NFIB: variants seen among roughly 807,000 people sequenced by gnomAD.
NFIB encodes the protein nuclear factor I B.
A neutral mutation model predicts 61.5 loss-of-function variants in NFIB; 11 were observed. That is an observed-to-expected ratio of 0.18 (90% confidence interval 0.11 to 0.30). The LOEUF is 0.30. NFIB is among the 10% of genes least tolerant of loss of function. NFIB has a pLI of 1.00. For synonymous variants in NFIB, 260 were observed against 216.5 expected (o/e 1.20, Z -1.76); for missense variants, 471 against 608.9 (o/e 0.77, Z 2.38).
chr9:14,182,935 GAC>G (rs2046968975), intron 2 of NFIB, among the ~76,000 whole-genome samples: 1 of 151,896 alleles, frequency 6.6e-6, no homozygotes, highest in Non-Finnish European at 1.5e-5. Flanking sequence ...CATTGGGTCA[GAC>G]ACAGTCTACA....
chr9:14,493,572 G>C, the NFIB span, among the ~76,000 whole-genome samples: 2 of 152,146 alleles, frequency 1.3e-5, no homozygotes, highest in Non-Finnish European at 2.9e-5. Context: ...TTGAGAGCAA[G>C]GATGTCATAA....
At chr9:14,341,919 A>G (rs1036673143) in intron 1 of NFIB, among the ~76,000 whole-genome samples, 5 of 143,776 alleles carry the variant, frequency 3.5e-5, no homozygotes, top group Non-Finnish European at 6.0e-5. Context: ...TTGCTTAGCT[A>G]GAGAGTGACT....
rs138931705 is a variant in NFIB, at chr9:14,343,808, G to C, written c.109-36288C>G. On this transcript the variant is annotated intron_variant, in intron 1 of 8. Transcript: ENST00000380934. ...CAAGCAGTGCCAAGAAGCAGAGAAA[G>C]GGCTGCTTGGGGACAAGGGGGGGTC... 5.9e-4 allele frequency among the ~76,000 whole-genome samples: 83 copies of C among 141,474 alleles called. 1 individual carries two copies. The East Asian group carries it at 7.7e-3, about 13-fold the overall frequency. The allele number at this position is 141,474 out of a possible 152,430, so 92.8% of individuals were successfully genotyped here. A position where few individuals can be genotyped will look rare whatever the true frequency, so the allele number is the denominator to read the frequency against.
chr9:14,164,541 C>T (rs1002494978), intron 3 of NFIB, among the ~76,000 whole-genome samples: 2 of 152,024 alleles, frequency 1.3e-5, no homozygotes, highest in African/African-American at 4.8e-5. Flanking sequence ...AATCTGTCTT[C>T]GACTGACCTA....
At chr9:14,353,319 G>A (rs891851552) in intron 1 of NFIB, among the ~76,000 whole-genome samples, 1 of 152,124 alleles carries the variant, frequency 6.6e-6, no homozygotes, top group African/African-American at 2.4e-5. Flanking sequence ...CTGGGAAGCT[G>A]GTCCTGTTCT....
At chr9:14,289,127 T>C (rs1486495917) in intron 2 of NFIB, among the ~76,000 whole-genome samples, 11 of 145,684 alleles carry the variant, frequency 7.6e-5, no homozygotes, top group African/African-American at 2.5e-4. Context: ...TATATGTATA[T>C]ATATATATAT....
chr9:14,468,874 T>C, the NFIB span, among the ~76,000 whole-genome samples: 3 of 152,194 alleles, frequency 2.0e-5, no homozygotes, highest in African/African-American at 7.2e-5. Flanking sequence ...GGTAGAAAGG[T>C]ACAGAAGACC....
intron 2 of NFIB, among the ~76,000 whole-genome samples, chr9:14,278,662 A>G (rs1297806854): frequency 1.3e-5 from 2 of 152,218 alleles, no homozygotes; most frequent in South Asian, 2.1e-4. Context: ...TGTTAGGGTC[A>G]TTACTAAGGT....
chr9:14,487,501 A>C, the NFIB span, among the ~76,000 whole-genome samples: 1 of 152,194 alleles, frequency 6.6e-6, no homozygotes, highest in Admixed American at 6.5e-5. Flanking sequence ...GCCCCTGCCG[A>C]CTTAAATGGC....
At chr9:14,417,774 G>GTTTTTTTTT in the NFIB span, among the ~76,000 whole-genome samples, 2 of 91,784 alleles carry the variant, frequency 2.2e-5, no homozygotes, top group Non-Finnish European at 2.1e-5. Context: ...CCTAGGAACA[G>GTTTTTTTTT]TTTTTTTTTT....
At chr9:14,178,513 C>A (rs2046404438) in intron 3 of NFIB, among the ~76,000 whole-genome samples, 1 of 151,742 alleles carries the variant, frequency 6.6e-6, no homozygotes, top group Non-Finnish European at 1.5e-5. Flanking sequence ...ATTTTTAAAC[C>A]TGTGTTTAAT....
chr9:14,317,692 G>T (rs143775929), upstream of NFIB, among the ~76,000 whole-genome samples: 3 of 152,154 alleles, frequency 2.0e-5, no homozygotes, highest in Admixed American at 2.0e-4. Context: ...ACTTCTTCTT[G>T]TCCAGCCAAT....
chr9:14,215,566 AG>A (rs1252057487), intron 2 of NFIB, among the ~76,000 whole-genome samples: 1 of 152,208 alleles, frequency 6.6e-6, no homozygotes, highest in African/African-American at 2.4e-5. Context: ...GTCATCAAAA[AG>A]TCATTTAAAA....
chr9:14,226,365 T>C (rs1405932786), intron 2 of NFIB, among the ~76,000 whole-genome samples: 6 of 151,864 alleles, frequency 4.0e-5, no homozygotes, highest in Non-Finnish European at 7.4e-5. Context: ...CTGGAAAACA[T>C]AGTGAGATCC....
chr9:14,419,105 C>T, the NFIB span, among the ~76,000 whole-genome samples: 2 of 151,302 alleles, frequency 1.3e-5, no homozygotes, highest in African/African-American at 4.9e-5. Flanking sequence ...CCAGAGCCAT[C>T]CAAACTGGGC....
intron 2 of NFIB, among the ~76,000 whole-genome samples, chr9:14,275,341 A>C (rs2057923604): frequency 6.6e-6 from 1 of 152,162 alleles, no homozygotes; most frequent in African/African-American, 2.4e-5. Context: ...TCTTACTCTA[A>C]TCGTTGAACA....
In NFIB at chr9:14,217,228, C is replaced by T. The variant is rs189927492; in HGVS notation, c.563-37448G>A. Among the ~76,000 whole-genome samples, 5 of 152,302 alleles carry T rather than the reference C, an allele frequency of 3.3e-5. No homozygotes were observed. In the East Asian group the frequency reaches 9.6e-4, roughly 29 times the overall value. On this transcript the variant is annotated intron_variant, in intron 2 of 10. Coordinates refer to ENST00000380953, the MANE Select transcript of NFIB (RefSeq NM_001190737.2). ...CAGCTTTTATATATGTTATATGCAA[C>T]TCACACTAATTCACACTTAACAGCA... is the stretch of plus-strand genomic sequence containing the variant.
At chr9:14,445,553 G>A in the NFIB span, among the ~76,000 whole-genome samples, 1 of 152,072 alleles carries the variant, frequency 6.6e-6, no homozygotes, top group Non-Finnish European at 1.5e-5. Flanking sequence ...CAAATACTCT[G>A]GCTTCTATTT....
intron 1 of NFIB, among the ~76,000 whole-genome samples, chr9:14,358,905 C>T (rs988908571): frequency 6.6e-6 from 1 of 152,192 alleles, no homozygotes; most frequent in Non-Finnish European, 1.5e-5. Flanking sequence ...AATGATACAT[C>T]AACCTTATCA....
Sources: allele counts gnomAD v4.1 joint callset (sites outside exome capture counted in the v4.1 genomes callset), GRCh38; gene constraint gnomAD v4.1.1; transcripts MANE v1.5; gene names NCBI Gene and HGNC (gene_info 2026-07-23, HGNC 2026-07-21).